The following SMPX variants were observed in gnomAD, a reference collection of about 807,000 sequenced individuals.
SMPX encodes small muscle protein X-linked, also known as small muscular protein.
In SMPX, 2 loss-of-function variants were observed where a neutral mutation model predicts 6.3. That is an observed-to-expected ratio of 0.32 (90% CI 0.13 to 0.99). The LOEUF is 0.99. SMPX is among the 50% of genes least tolerant of loss of function. The pLI, the probability that SMPX is intolerant of heterozygous loss-of-function variation, is 0.49. For missense variants in SMPX, 60 were observed against 66.8 expected, an observed-to-expected ratio of 0.90 and a Z score of 0.36; for synonymous variants, 32 against 24.7, an observed-to-expected ratio of 1.30 and a Z score of -0.88.
At chrX:21,712,698 C>T (rs1449458479) in intron 4 of SMPX, among the ~76,000 whole-genome samples, 5 of 111,627 alleles carry the variant, frequency 4.5e-5, no homozygotes, top group Non-Finnish European at 7.5e-5. Context: ...CCAAGATTTC[C>T]CTACCAAGGC....
At chrX:21,715,301 T>TGCGCGC (rs1372224561) in intron 4 of SMPX, among the ~76,000 whole-genome samples, 1 of 87,609 alleles carries the variant, frequency 1.1e-5, no homozygotes, top group African/African-American at 6.3e-5. Flanking sequence ...TGTGTGTGTG[T>TGCGCGC]GTGCGCGCAC....
Position 21,756,288 on chromosome X carries a change from T to G in SMPX, c.-13+1654A>C, listed in dbSNP as rs903973727. On this transcript the variant is annotated intron_variant, in intron 1 of 4. Transcript: ENST00000379494. ...TTTTTTAAAATTAGTCAATGAATGA[T>G]TGTTATACTGTATTTTTTTAAAAAC... Among the ~76,000 whole-genome samples the G allele has an allele frequency of 4.4e-5, 5 of 112,411 alleles. No individual in the cohort carries two copies. In the Admixed American group the frequency reaches 4.7e-4, roughly 11 times the overall value.
chrX:21,735,509 T>TGTA (rs2092809525), intron 4 of SMPX, among the ~76,000 whole-genome samples: 2 of 111,631 alleles, frequency 1.8e-5, no homozygotes, highest in Admixed American at 1.9e-4. Flanking sequence ...ACATTTTCAA[T>TGTA]ATTTGATTGA....
intron 4 of SMPX, among the ~76,000 whole-genome samples, chrX:21,735,996 C>T (rs1054567744): frequency 2.7e-5 from 3 of 111,897 alleles, no homozygotes; most frequent in African/African-American, 9.7e-5. Context: ...TGTCCCCATC[C>T]AGGTTCCTGG....
chrX:21,706,028 T>G lies in SMPX; in HGVS notation c.*381A>C. 1 of 495,055 alleles carries G rather than the reference T, an allele frequency of 2.0e-6. No individual in the cohort carries two copies. Among genetic ancestry groups the G allele is most frequent in the South Asian group, 2.7e-5 (1 of 36,888 alleles). 40.8% of individuals were successfully genotyped at this position (495,055 alleles called of 1,213,427 possible). A position where few individuals can be genotyped will look rare whatever the true frequency, so the allele number is the denominator to read the frequency against. On this transcript the variant is annotated 3_prime_UTR_variant, in exon 5 of 5. Coordinates refer to ENST00000379494, the MANE Select transcript of SMPX (RefSeq NM_014332.3). ...TGAACTCATACAAAGTTTAGTGACA[T>G]AATTTAAAAGGTGAAGAACTAAAAC...
rs151294283 is a variant in SMPX, at chrX:21,722,076, G to C, written c.*14+15473C>G. ...CTTGGGAGGCTGAGGTGGGAGGATC[G>C]CTTGAGCCCAGGAGGTCAAGGCTGC... is the stretch of plus-strand genomic sequence containing the variant. On this transcript the variant is annotated intron_variant, in intron 4 of 4. Coordinates refer to ENST00000379494, the MANE Select transcript of SMPX (RefSeq NM_014332.3). Among the ~76,000 whole-genome samples the C allele has an allele frequency of 9.2e-3, 1,020 of 110,638 alleles. 2 individuals carry two copies. Among genetic ancestry groups the C allele is most frequent in the Middle Eastern group, 0.028 (6 of 214 alleles).
rs1337400731 is a variant in SMPX, at chrX:21,710,665, A to G, written c.*15-4271T>C. Among the ~76,000 whole-genome samples, 5 of 111,550 alleles carry G rather than the reference A, an allele frequency of 4.5e-5. No individual in the cohort carries two copies. The Admixed American group carries it at 4.7e-4, about 11-fold the overall frequency. ...AAATGCATGGAATTCTTAACATAAC[A>G]TTAGCCCCAGGGGAACTGTGCTCTT... On this transcript the variant is annotated intron_variant, in intron 4 of 4. Coordinates refer to ENST00000379494, the MANE Select transcript of SMPX (RefSeq NM_014332.3).
At chrX:21,715,459 T>A (rs2092784070) in intron 4 of SMPX, among the ~76,000 whole-genome samples, 1 of 111,291 alleles carries the variant, frequency 9.0e-6, no homozygotes, top group Non-Finnish European at 1.9e-5. Flanking sequence ...TCTCTGGAAG[T>A]GCGATCAGTA....
At position 21,733,604 on chromosome X, in the gene SMPX, C is replaced by G. The variant is rs890603564; in HGVS notation, c.*14+3945G>C. On this transcript the variant is annotated intron_variant, in intron 4 of 4. Coordinates refer to ENST00000379494, the MANE Select transcript of SMPX (RefSeq NM_014332.3). ...TCATCAGTTCCAAGGCTTTCAATTG[C>G]GACTTTCTCGGTGCTTATTAGCATC... 4.4e-5 allele frequency: 12 copies of G among 274,166 alleles called. No homozygotes were observed. The Middle Eastern group carries it at 3.8e-3, about 87-fold the overall frequency. 22.6% of individuals were successfully genotyped at this position (274,166 alleles called of 1,213,427 possible).
intron 1 of SMPX, 77 bp from the exon 2 acceptor site, chrX:21,754,379 T>C: frequency 1.2e-6 from 1 of 800,806 alleles, no homozygotes; most frequent in Non-Finnish European, 1.9e-6. Context: ...ATTTAACTCA[T>C]GATTCAACTG....
At chrX:21,748,051 G>A (rs73453573) in intron 2 of SMPX, among the ~76,000 whole-genome samples, 4,617 of 112,065 alleles carry the variant, frequency 0.041, 226 homozygotes, top group African/African-American at 0.14. Flanking sequence ...CTTTACAGAA[G>A]ACTTCAGAAA....
intron 4 of SMPX, among the ~76,000 whole-genome samples, chrX:21,713,181 C>T (rs1299931942): frequency 8.9e-6 from 1 of 111,926 alleles, no homozygotes; most frequent in Non-Finnish European, 1.9e-5. Context: ...GCTTTATAAT[C>T]TTTTAAAATA....
chrX:21,750,373 C>A (rs2092826171), intron 2 of SMPX, among the ~76,000 whole-genome samples: 1 of 111,879 alleles, frequency 8.9e-6, no homozygotes, highest in Non-Finnish European at 1.9e-5. Flanking sequence ...CAAATCCAGT[C>A]CACCACCTGA....
chrX:21,707,262 A>C (rs1284473219), intron 4 of SMPX, among the ~76,000 whole-genome samples: 4 of 110,915 alleles, frequency 3.6e-5, no homozygotes, highest in Non-Finnish European at 7.5e-5. Context: ...TATAATTTTC[A>C]TGAGATATGT....
intron 4 of SMPX, among the ~76,000 whole-genome samples, chrX:21,723,142 A>G (rs1004897874): frequency 9.0e-6 from 1 of 111,150 alleles, no homozygotes; most frequent in Non-Finnish European, 1.9e-5. Context: ...TGTGATCCCA[A>G]ACTACCACCA....
chrX:21,734,568 A>C (rs1177402018), intron 4 of SMPX, among the ~76,000 whole-genome samples: 1 of 111,507 alleles, frequency 9.0e-6, no homozygotes. Flanking sequence ...GGATTCCAAA[A>C]TTTTTGTGGC....
In SMPX at chrX:21,719,540, AAAAGAAAG is replaced by A. The variant is rs377515861; in HGVS notation, c.*15-13154_*15-13147del. On this transcript the variant is annotated intron_variant, in intron 4 of 4. Transcript: ENST00000379494. ...CAAAAAAAAAAAGAAGAAGAAGAAG[AAAAGAAAG>A]AAAGAAAGAAAGAAAGAAAGCAAAA... Among the ~76,000 whole-genome samples, 205 of 108,864 alleles carry A rather than the reference AAAAGAAAG, an allele frequency of 1.9e-3. 1 individual carries two copies. The highest frequency in any genetic ancestry group is 4.7e-3 in the Middle Eastern group (1 of 215). The allele number at this position is 108,864 out of a possible 115,157, so 94.5% of individuals were successfully genotyped here. A position where few individuals can be genotyped will look rare whatever the true frequency, so the allele number is the denominator to read the frequency against.
intron 2 of SMPX, among the ~76,000 whole-genome samples, chrX:21,746,185 A>C (rs1281250463): frequency 8.9e-6 from 1 of 112,114 alleles, no homozygotes; most frequent in Non-Finnish European, 1.9e-5. Context: ...TACTGTAAGA[A>C]TATCTACAAT....
At chrX:21,736,373 G>A (rs932308351) in intron 4 of SMPX, among the ~76,000 whole-genome samples, 5 of 111,769 alleles carry the variant, frequency 4.5e-5, no homozygotes, top group Non-Finnish European at 9.4e-5. Flanking sequence ...AAGGTGTGGT[G>A]GGAGGAAGGG....
Sources: allele counts gnomAD v4.1 joint callset (sites outside exome capture counted in the v4.1 genomes callset), GRCh38; gene constraint gnomAD v4.1.1; transcripts MANE v1.5; gene names NCBI Gene and HGNC (gene_info 2026-07-23, HGNC 2026-07-21).